The following B3GALT1 variants were observed in gnomAD, a reference collection of about 807,000 sequenced individuals.
The protein encoded by B3GALT1 is UDP-Gal:betaGlcNAc beta 1,3-galactosyltransferase, polypeptide 1.
B3GALT1 carries 10 observed loss-of-function variants against 23.2 expected under a neutral mutation model. The ratio of observed to expected loss-of-function variants is 0.43; its 90% CI spans 0.27 to 0.73. B3GALT1 has a LOEUF of 0.73. Among genes scored for constraint, B3GALT1 ranks in the 30% least tolerant of loss-of-function variants. The probability of loss-of-function intolerance (pLI) is 0.21; values close to 1 mark genes in which losing one functional copy is unlikely to be tolerated. For missense variants in B3GALT1, 299 were observed against 405.4 expected (o/e 0.74, Z 2.25); for synonymous variants, 156 against 141.5 (o/e 1.10, Z -0.73).
intron 1 of B3GALT1, among the ~76,000 whole-genome samples, chr2:167,405,386 G>A (rs1698260141): frequency 6.6e-6 from 1 of 152,016 alleles, no homozygotes; most frequent in African/African-American, 2.4e-5. Context: ...GAACTTCCAT[G>A]TGTTGTTAAT....
chr2:167,616,450 C>T (rs1301877940), intron 2 of B3GALT1, among the ~76,000 whole-genome samples: 1 of 151,956 alleles, frequency 6.6e-6, no homozygotes, highest in Non-Finnish European at 1.5e-5. Flanking sequence ...CACATGTAAT[C>T]CCAGCACTTT....
At chr2:167,585,310 G>C (rs757280815) in intron 2 of B3GALT1, among the ~76,000 whole-genome samples, 1 of 152,152 alleles carries the variant, frequency 6.6e-6, no homozygotes, top group Non-Finnish European at 1.5e-5. Flanking sequence ...GAAAATTCAT[G>C]TCCAAAATTT....
intron 1 of B3GALT1, among the ~76,000 whole-genome samples, chr2:167,331,705 G>T (rs1696974806): frequency 6.6e-6 from 1 of 152,116 alleles, no homozygotes; most frequent in South Asian, 2.1e-4. Context: ...AGCCAGGCTG[G>T]GGCCCCCTGG....
chr2:167,691,288 GC>G (rs1467165309), intron 3 of B3GALT1, among the ~76,000 whole-genome samples: 6 of 152,118 alleles, frequency 3.9e-5, no homozygotes, highest in African/African-American at 1.2e-4. Context: ...GCTTCAAATG[GC>G]CCATTTAGTC....
At chr2:167,791,087 C>G (rs190474497) in intron 3 of B3GALT1, among the ~76,000 whole-genome samples, 1 of 152,272 alleles carries the variant, frequency 6.6e-6, no homozygotes, top group East Asian at 1.9e-4. Flanking sequence ...ACAGCGCTTC[C>G]TATGTGCCAG....
intron 3 of B3GALT1, among the ~76,000 whole-genome samples, chr2:167,680,784 TA>T (rs1348587186): frequency 6.6e-6 from 1 of 151,846 alleles, no homozygotes; most frequent in African/African-American, 2.4e-5. Context: ...AATTTTTTTT[TA>T]TTTCAAAGAA....
rs986993352 is a variant in B3GALT1 at position 167,705,932 on chromosome 2, C to T, written c.-352+58966C>T. Among the ~76,000 whole-genome samples, 3 of 152,180 alleles carry T rather than the reference C, an allele frequency of 2.0e-5. No individual in the cohort carries two copies. In the East Asian group the frequency reaches 5.8e-4, roughly 29 times the overall value. On this transcript the variant is annotated intron_variant, in intron 3 of 4. Coordinates refer to ENST00000392690, the MANE Select transcript of B3GALT1 (RefSeq NM_020981.4). ...GATATTGGACAGCACAAGTATAAAA[C>T]ACTTTCATCATTGCAGAAATTTCTG... is the stretch of plus-strand genomic sequence containing the variant.
At chr2:167,676,256 T>A in intron 3 of B3GALT1, among the ~76,000 whole-genome samples, 1 of 152,154 alleles carries the variant, frequency 6.6e-6, no homozygotes, top group East Asian at 1.9e-4. Context: ...ATAAATAACT[T>A]TTTTATCCCA....
At chr2:167,849,985 C>T (rs1689846334) in intron 4 of B3GALT1, among the ~76,000 whole-genome samples, 1 of 151,566 alleles carries the variant, frequency 6.6e-6, no homozygotes, top group Non-Finnish European at 1.5e-5. Flanking sequence ...TTGGCTTAGG[C>T]AAGGATTTCA....
intron 4 of B3GALT1, among the ~76,000 whole-genome samples, chr2:167,837,276 G>T (rs1183031211): frequency 6.6e-6 from 1 of 152,058 alleles, no homozygotes; most frequent in Non-Finnish European, 1.5e-5. Flanking sequence ...CTGTATTCAG[G>T]AAACCCATCT....
chr2:167,579,277 T>G (rs1684438206), intron 2 of B3GALT1, among the ~76,000 whole-genome samples: 1 of 151,982 alleles, frequency 6.6e-6, no homozygotes, highest in Non-Finnish European at 1.5e-5. Flanking sequence ...AAATAAATTT[T>G]TATAGAAAGA....
At chr2:167,670,950 A>G (rs1686315052) in intron 3 of B3GALT1, among the ~76,000 whole-genome samples, 1 of 152,120 alleles carries the variant, frequency 6.6e-6, no homozygotes, top group South Asian at 2.1e-4. Flanking sequence ...AGGAAGAGAG[A>G]GAGAGAAAGA....
At chr2:167,703,502 T>TATC (rs1181505040) in intron 3 of B3GALT1, among the ~76,000 whole-genome samples, 1 of 151,804 alleles carries the variant, frequency 6.6e-6, no homozygotes, top group Non-Finnish European at 1.5e-5. Context: ...GGATTAAAAT[T>TATC]AAGGTTAAAA....
intron 2 of B3GALT1, among the ~76,000 whole-genome samples, chr2:167,528,476 A>G (rs1456394411): frequency 3.3e-5 from 5 of 152,094 alleles, no homozygotes; most frequent in Non-Finnish European, 7.4e-5. Context: ...TTCCATGACT[A>G]GTTGGTGAGG....
intron 3 of B3GALT1, among the ~76,000 whole-genome samples, chr2:167,749,273 T>C (rs1687697571): frequency 1.3e-5 from 2 of 152,140 alleles, no homozygotes; most frequent in Admixed American, 6.6e-5. Context: ...CAGGTAACAC[T>C]CAGGGAACTT....
intron 1 of B3GALT1, among the ~76,000 whole-genome samples, chr2:167,359,929 T>C (rs1210830893): frequency 4.6e-5 from 7 of 152,116 alleles, no homozygotes; most frequent in Non-Finnish European, 1.0e-4. Context: ...AATTAAGATA[T>C]AACAATCAAG....
chr2:167,780,334 T>C (rs1297562476), intron 3 of B3GALT1, among the ~76,000 whole-genome samples: 1 of 152,152 alleles, frequency 6.6e-6, no homozygotes, highest in East Asian at 1.9e-4. Context: ...AAGGAAAAGG[T>C]TGAGAGTGTG....
intron 3 of B3GALT1, among the ~76,000 whole-genome samples, chr2:167,647,375 A>T (rs906408140): frequency 4.0e-5 from 4 of 99,466 alleles, no homozygotes; most frequent in African/African-American, 5.8e-5. Flanking sequence ...AGCAGCTTAC[A>T]TGCTGTGTGG....
chr2:167,833,662 C>CCTAT (rs773551557), intron 4 of B3GALT1, among the ~76,000 whole-genome samples: 1 of 152,162 alleles, frequency 6.6e-6, no homozygotes, highest in Non-Finnish European at 1.5e-5. Flanking sequence ...CTGAAAGTTA[C>CCTAT]CTATCTATCT....
Sources: gnomAD v4.1 joint callset for allele counts (sites outside exome capture counted in the v4.1 genomes callset) on GRCh38, gnomAD v4.1.1 for gene constraint, MANE v1.5 for transcripts, NCBI Gene and HGNC (gene_info 2026-07-23, HGNC 2026-07-21) for gene names.